The following SFMBT1 variants were observed in gnomAD, a reference collection of about 807,000 sequenced individuals.
The protein encoded by SFMBT1 is Scm like with four mbt domains 1.
A neutral mutation model predicts 108.7 loss-of-function variants in SFMBT1; 32 were observed. The observed-to-expected ratio is 0.29, with a 90% CI of 0.22 to 0.40. The LOEUF is 0.40. Ranked by LOEUF, SFMBT1 falls within the 10% of genes least tolerant of loss-of-function variation. The pLI is 1.00. For synonymous variants in SFMBT1, 348 were observed against 369.5 expected (o/e 0.94, Z 0.67); for missense variants, 816 against 1,059.6 (o/e 0.77, Z 3.19).
intron 2 of SFMBT1, among the ~76,000 whole-genome samples, chr3:52,954,723 C>A: frequency 6.6e-6 from 1 of 152,162 alleles, no homozygotes; most frequent in East Asian, 1.9e-4. Flanking sequence ...ATTACTATCA[C>A]TTTGGACTGA....
At chr3:52,916,344 C>T in intron 13 of SFMBT1, 130 bp from the exon 14 acceptor site, 3 of 612,024 alleles carry the variant, frequency 4.9e-6, no homozygotes, top group Non-Finnish European at 5.5e-6. Context: ...AGAAGGTACT[C>T]CCTTGATGAT....
chr3:53,020,468 C>T (rs978086797), intron 1 of SFMBT1, among the ~76,000 whole-genome samples: 21 of 152,140 alleles, frequency 1.4e-4, no homozygotes, highest in Non-Finnish European at 2.8e-4. Flanking sequence ...CTATTGAACA[C>T]ATCCCCATCT....
intron 1 of SFMBT1, among the ~76,000 whole-genome samples, chr3:53,041,964 C>T (rs1700073090): frequency 6.6e-6 from 1 of 152,102 alleles, no homozygotes; most frequent in Non-Finnish European, 1.5e-5. Context: ...GAAGTTGTAT[C>T]ATTTACTCAT....
At chr3:52,988,808 A>G (rs778288339) in intron 1 of SFMBT1, among the ~76,000 whole-genome samples, 1 of 152,224 alleles carries the variant, frequency 6.6e-6, no homozygotes, top group African/African-American at 2.4e-5. Flanking sequence ...AAACAGACTT[A>G]TATGCAAGAT....
chr3:52,990,045 A>T (rs1394747180), intron 1 of SFMBT1, among the ~76,000 whole-genome samples: 2 of 152,196 alleles, frequency 1.3e-5, no homozygotes, highest in African/African-American at 4.8e-5. Flanking sequence ...TCCAAAGGCT[A>T]GTTGTCTTTT....
chr3:52,976,520 C>A (rs1033833274), intron 1 of SFMBT1, among the ~76,000 whole-genome samples: 21 of 151,784 alleles, frequency 1.4e-4, no homozygotes, highest in Admixed American at 1.1e-3. Context: ...AAGAAGATTC[C>A]AAAGAAATTA....
intron 1 of SFMBT1, among the ~76,000 whole-genome samples, chr3:52,996,070 CA>C (rs113770973): frequency 7.1e-6 from 1 of 141,288 alleles, no homozygotes; most frequent in African/African-American, 2.6e-5. Flanking sequence ...GACTCCATCT[CA>C]AAAAAAAACA....
At chr3:52,982,420 A>T (rs1704744182) in intron 1 of SFMBT1, among the ~76,000 whole-genome samples, 1 of 152,170 alleles carries the variant, frequency 6.6e-6, no homozygotes, top group Admixed American at 6.5e-5. Flanking sequence ...AAAAGGTCGG[A>T]GGTGAAGGGT....
intron 8 of SFMBT1, among the ~76,000 whole-genome samples, chr3:52,928,655 CACATATAT>C (rs1559514171): frequency 3.7e-5 from 1 of 26,752 alleles, no homozygotes; most frequent in Non-Finnish European, 1.1e-4. Context: ...TATATATATA[CACATATAT>C]ACATATATAC....
intron 1 of SFMBT1, among the ~76,000 whole-genome samples, chr3:52,996,492 C>T (rs1698336534): frequency 6.7e-6 from 1 of 150,102 alleles, no homozygotes; most frequent in South Asian, 2.1e-4. Context: ...GGATTATAGG[C>T]ATGAGGCACC....
rs149564947 is a variant in SFMBT1, at chr3:53,036,979, A to G, written c.-131+8837T>C. Among the ~76,000 whole-genome samples the G allele has an allele frequency of 8.5e-5, 13 of 152,312 alleles. No homozygotes were observed. In the South Asian group the frequency reaches 1.2e-3, roughly 15 times the overall value. On this transcript the variant is annotated intron_variant, in intron 1 of 20. Transcript: ENST00000394752. The stretch of plus-strand genomic sequence containing the variant: ...ACTCTGGGAGAAAATGAAGGTCACA[A>G]TGAGATAAAAGACGAGGCATAGGGA...
At position 52,946,795 on chromosome 3, in the gene SFMBT1, A is replaced by G. The variant is rs182192265; in HGVS notation, c.124-3202T>C. ...CCATTCCTTTTTTTTTTTTTGAGAC[A>G]GAGTCTTACTCTGTCACCCAGGCTG... On this transcript the variant is annotated intron_variant, in intron 3 of 20. Transcript: ENST00000394752. 2.3e-3 allele frequency among the ~76,000 whole-genome samples: 338 copies of G among 147,910 alleles called. 1 individual carries two copies. The highest frequency in any genetic ancestry group is 7.4e-3 in the African/African-American group (297 of 40,298).
intron 3 of SFMBT1, among the ~76,000 whole-genome samples, chr3:52,953,500 C>G (rs11719601): frequency 0.043 from 6,574 of 151,914 alleles, 192 homozygotes; most frequent in Non-Finnish European, 0.064. Flanking sequence ...GGGGTACTTT[C>G]TTACATTCTA....
chr3:52,967,416 G>A (rs939987999), intron 2 of SFMBT1, among the ~76,000 whole-genome samples: 1 of 152,222 alleles, frequency 6.6e-6, no homozygotes, highest in Admixed American at 6.5e-5. Context: ...TCAGAGTCTG[G>A]GTGGAAAAGG....
At chr3:52,941,483 A>C (rs934370713) in intron 4 of SFMBT1, among the ~76,000 whole-genome samples, 8 of 146,142 alleles carry the variant, frequency 5.5e-5, no homozygotes, top group African/African-American at 7.5e-5. Context: ...AATCCCAGCT[A>C]CTTGGGAGGC....
At position 53,013,816 on chromosome 3, in the gene SFMBT1, A is replaced by G. The variant is rs142263737; in HGVS notation, c.-131+32000T>C. On this transcript the variant is annotated intron_variant, in intron 1 of 20. Coordinates refer to ENST00000394752, the MANE Select transcript of SFMBT1 (RefSeq NM_016329.4). The stretch of plus-strand genomic sequence containing the variant: ...GCTAATTTTTGTATTTTTAGTAGAG[A>G]TGGGGTTTCACCATGTTGGTCAGGC... Among the ~76,000 whole-genome samples the G allele has an allele frequency of 7.9e-3, 1,179 of 150,090 alleles. 1 individual carries two copies. Among genetic ancestry groups the G allele is most frequent in the African/African-American group, 0.028 (1,126 of 39,770 alleles).
chr3:53,035,123 T>A (rs1473561133), intron 1 of SFMBT1, among the ~76,000 whole-genome samples: 2 of 152,174 alleles, frequency 1.3e-5, no homozygotes. Flanking sequence ...GAGAAGGGAA[T>A]AAGCTGGACA....
At chr3:52,958,026 C>A (rs1015057678) in intron 2 of SFMBT1, among the ~76,000 whole-genome samples, 1 of 152,108 alleles carries the variant, frequency 6.6e-6, no homozygotes, top group African/African-American at 2.4e-5. Flanking sequence ...AACAGACAAC[C>A]TAAAGAATGG....
At chr3:53,031,001 T>TGCCC (rs1699665876) in intron 1 of SFMBT1, among the ~76,000 whole-genome samples, 1 of 152,174 alleles carries the variant, frequency 6.6e-6, no homozygotes, top group Non-Finnish European at 1.5e-5. Flanking sequence ...TCTTCTCCAT[T>TGCCC]TCCAAGCATG....
Sources: gnomAD v4.1 joint callset for allele counts (sites outside exome capture counted in the v4.1 genomes callset) on GRCh38, gnomAD v4.1.1 for gene constraint, MANE v1.5 for transcripts, NCBI Gene and HGNC (gene_info 2026-07-23, HGNC 2026-07-21) for gene names.